KCNN1: variants seen among roughly 807,000 people sequenced by gnomAD.
KCNN1 encodes potassium calcium-activated channel subfamily N member 1.
A neutral mutation model predicts 44.7 loss-of-function variants in KCNN1; 20 were observed. The ratio of observed to expected loss-of-function variants is 0.45; its 90% CI spans 0.32 to 0.65. The LOEUF (loss-of-function observed/expected upper bound fraction) is 0.65, where lower values mean the gene tolerates loss of function less well. Ranked by LOEUF, KCNN1 falls within the 30% of genes least tolerant of loss-of-function variation. The pLI, the probability that KCNN1 is intolerant of heterozygous loss-of-function variation, is 0.05. For missense variants in KCNN1, 632 were observed against 785.3 expected (o/e 0.80, Z 2.33); for synonymous variants, 324 against 341.7 (o/e 0.95, Z 0.57).
In KCNN1 at chr19:17,993,029, C is replaced by T. The variant is rs1459047082; in HGVS notation, c.1299-25C>T. The T allele has an allele frequency of 2.5e-6, 4 of 1,613,150 alleles. No homozygotes were observed. In the African/African-American group the frequency reaches 5.3e-5, roughly 22 times the overall value. On this transcript the variant is annotated intron_variant, in intron 7 of 9. Coordinates refer to ENST00000684775, the MANE Select transcript of KCNN1 (RefSeq NM_001386974.1). This position sits in a 1 kb window ranked among gnomAD's most constrained non-coding sequence, Gnocchi z 4.5. Reference sequence around the variant, plus strand: ...AGGTTAAAATTGCCTTGTGATTTTTCTCCTGCTCTGCCCGGTCCTGCCAGG... The same window carrying T: ...AGGTTAAAATTGCCTTGTGATTTTTTTCCTGCTCTGCCCGGTCCTGCCAGG...
rs1231120269 is a variant in KCNN1 at position 17,993,022 on chromosome 19, G to A, written c.1299-32G>A. The A allele has an allele frequency of 1.2e-6, 2 of 1,613,100 alleles. No homozygotes were observed. Among genetic ancestry groups the A allele is most frequent in the Non-Finnish European group, 1.7e-6 (2 of 1,179,528 alleles). On this transcript the variant is annotated intron_variant, in intron 7 of 9. Transcript: ENST00000684775. This position sits in a 1 kb window ranked among gnomAD's most constrained non-coding sequence, Gnocchi z 4.5. ...TGTGCTGAGGTTAAAATTGCCTTGTGATTTTTCTCCTGCTCTGCCCGGTCC... is the reference window on the plus strand; with the variant it reads ...TGTGCTGAGGTTAAAATTGCCTTGTAATTTTTCTCCTGCTCTGCCCGGTCC...
In KCNN1 at chr19:17,988,440, T is replaced by C; in HGVS notation, c.1085T>C (p.Val362Ala). Residue 362 changes from valine to alanine, a missense_variant, in exon 6 of 10, where the codon GTG (valine) becomes GCG (alanine). Val to Ala is a moderately conservative substitution (Grantham distance 64). Coordinates refer to ENST00000684775, the MANE Select transcript of KCNN1 (RefSeq NM_001386974.1). ...IMGAGCTALV[V>A]AVVARKLELT... ...GGAGCTGGCTGTACCGCGCTCGTGG[T>C]GGCTGTGGTGGCTCGGAAGCTGGAG... The C allele has an allele frequency of 6.2e-7, 1 of 1,612,912 alleles. No homozygotes were observed. The highest frequency in any genetic ancestry group is 8.5e-7 in the Non-Finnish European group (1 of 1,179,738).
At chr19:17,955,045 A>T (rs2031508235) in intron 2 of KCNN1, among the ~76,000 whole-genome samples, 1 of 150,508 alleles carries the variant, frequency 6.6e-6, no homozygotes, top group East Asian at 2.0e-4. Context: ...TTCAAAAAAA[A>T]AAAAAAAAAG....
intron 3 of KCNN1, among the ~76,000 whole-genome samples, chr19:17,978,418 C>A (rs1266465115): frequency 6.8e-6 from 1 of 146,042 alleles, no homozygotes; most frequent in East Asian, 2.1e-4. Context: ...AGCCACTGCC[C>A]AGCCTGTTTT....
intron 9 of KCNN1, among the ~76,000 whole-genome samples, chr19:17,996,166 C>CAAAAAA (rs757072562): frequency 1.3e-4 from 12 of 91,992 alleles, no homozygotes; most frequent in African/African-American, 2.3e-4. Flanking sequence ...TCCATTGCTA[C>CAAAAAA]AAAAAAAAAA....
At position 17,980,597 on chromosome 19, in the gene KCNN1, T is replaced by G. The variant is rs932262220; in HGVS notation, c.499-1112T>G. On this transcript the variant is annotated intron_variant, in intron 3 of 9. Transcript: ENST00000684775. Reference sequence around the variant, plus strand: ...AGAGTTTTGCATACGAGGTCACGTTTCTGACTTCTCTTGGAAAAATTTGAA... The same window carrying G: ...AGAGTTTTGCATACGAGGTCACGTTGCTGACTTCTCTTGGAAAAATTTGAA... 2.6e-5 allele frequency among the ~76,000 whole-genome samples: 4 copies of G among 152,106 alleles called. No individual in the cohort carries two copies. In the East Asian group the frequency reaches 5.8e-4, roughly 22 times the overall value.
chr19:17,967,279 C>T lies in KCNN1; in HGVS notation c.-120C>T, dbSNP rs2031847025. On this transcript the variant is annotated 5_prime_UTR_variant, in exon 1 of 10. Coordinates refer to ENST00000684775, the MANE Select transcript of KCNN1 (RefSeq NM_001386974.1). ...TCCGCGGCCGCGCGGGACCCTCTCC[C>T]CTCCAGCCTTGTCCGCCCGCTCGGG... is the stretch of plus-strand genomic sequence containing the variant. 1.0e-6 allele frequency: 1 copy of T among 985,460 alleles called. No homozygotes were observed. The highest frequency in any genetic ancestry group is 1.2e-6 in the Non-Finnish European group (1 of 829,838). The allele number at this position is 985,460 out of a possible 1,614,324, so 61.0% of individuals were successfully genotyped here. A position where few individuals can be genotyped will look rare whatever the true frequency, so the allele number is the denominator to read the frequency against.
chr19:17,974,260 G>C lies in KCNN1; in HGVS notation c.372G>C (p.Glu124Asp), dbSNP rs1253980797. ...GMFGIVVMVT[E>D]TELSWGVYTK... ...TTGGCATCGTCGTCATGGTGACGGA[G>C]ACCGAGCTGTCCTGGGGGGTGTACA... is the stretch of plus-strand genomic sequence containing the variant. The change falls in exon 2 of 10, where the codon GAG becomes GAC. Residue 124 changes from glutamate to aspartate, a missense_variant. This residue lies in a region of KCNN1 where 235 missense variants were observed against 224.0 expected (regional missense o/e 1.05). Transcript: ENST00000684775. The surrounding 1 kb of genome is among the most constrained non-coding windows in gnomAD (Gnocchi z 7.3). 6.3e-7 allele frequency: 1 copy of C among 1,597,530 alleles called. No homozygotes were observed. Among genetic ancestry groups the C allele is most frequent in the South Asian group, 1.1e-5 (1 of 88,502 alleles).
intron 1 of KCNN1, 94 bp downstream of exon 1, chr19:17,967,411 T>G: frequency 3.1e-5 from 21 of 669,738 alleles, no homozygotes; most frequent in South Asian, 6.7e-5. Context: ...GGGACGCGGT[T>G]TGGGGCAGGG....
Position 17,998,088 on chromosome 19 carries a change from T to A in KCNN1, c.1378-64T>A. The A allele has an allele frequency of 6.8e-7, 1 of 1,470,416 alleles. No individual in the cohort carries two copies. Among genetic ancestry groups the A allele is most frequent in the South Asian group, 1.4e-5 (1 of 73,452 alleles). 91.1% of individuals were successfully genotyped at this position (1,470,416 alleles called of 1,614,324 possible). A position where few individuals can be genotyped will look rare whatever the true frequency, so the allele number is the denominator to read the frequency against. On this transcript the variant is annotated intron_variant, in intron 9 of 9. Coordinates refer to ENST00000684775, the MANE Select transcript of KCNN1 (RefSeq NM_001386974.1). This position sits in a 1 kb window ranked among gnomAD's most constrained non-coding sequence, Gnocchi z 5.4. Reference sequence around the variant, plus strand: ...CTGTCCCTCTCTGTCATTGGTGTCGTGGTATCGTCCTTTCCTCTCTCACTC... The same window carrying A: ...CTGTCCCTCTCTGTCATTGGTGTCGAGGTATCGTCCTTTCCTCTCTCACTC...
chr19:17,977,039 G>A (rs550061146), intron 3 of KCNN1, among the ~76,000 whole-genome samples: 8 of 151,974 alleles, frequency 5.3e-5, no homozygotes, highest in South Asian at 4.2e-4. Context: ...ACAAAAGAAC[G>A]AAACACCAAA....
chr19:17,958,483 T>C (rs1462010600), intron 2 of KCNN1, among the ~76,000 whole-genome samples: 2 of 139,892 alleles, frequency 1.4e-5, no homozygotes, highest in Admixed American at 7.2e-5. Context: ...CCTGTCTCTT[T>C]TTTTTTTTTT....
upstream of KCNN1, among the ~76,000 whole-genome samples, chr19:17,965,735 C>T (rs575443683): frequency 1.4e-4 from 20 of 144,946 alleles, no homozygotes; most frequent in East Asian, 3.9e-3. Context: ...CGTAACAGCC[C>T]CCTGTTACAG....
rs2033129491 is a variant in KCNN1 at position 18,000,001 on chromosome 19, T to TCCCC, written c.*1595_*1596insCCCC. The TCCCC allele has an allele frequency of 4.4e-6, 2 of 455,830 alleles. No homozygotes were observed. Among genetic ancestry groups the TCCCC allele is most frequent in the South Asian group, 3.1e-5 (2 of 64,562 alleles). The allele number at this position is 455,830 out of a possible 1,614,324, so 28.2% of individuals were successfully genotyped here. ...TCATCTGTAAAATGGGGTGACAGTC[T>TCCCC]ATTTAACCAGAACTCCCTAAAAAGG... On this transcript the variant is annotated 3_prime_UTR_variant, in exon 10 of 10. Coordinates refer to ENST00000684775, the MANE Select transcript of KCNN1 (RefSeq NM_001386974.1).
rs2145973369 is a variant in KCNN1, at chr19:17,993,080, G to A, written c.1307+18G>A. On this transcript the variant is annotated intron_variant, in intron 8 of 9. Coordinates refer to ENST00000684775, the MANE Select transcript of KCNN1 (RefSeq NM_001386974.1). The surrounding 1 kb of genome is among the most constrained non-coding windows in gnomAD (Gnocchi z 4.5). ...GCTCAGAAGTAAGTGTTCTCCCAGG[G>A]GCTTGGTGGGGCTGGGAAATCGGGG... 6.2e-7 allele frequency: 1 copy of A among 1,613,716 alleles called. No individual in the cohort carries two copies. The highest frequency in any genetic ancestry group is 2.2e-5 in the East Asian group (1 of 44,884).
intron 1 of KCNN1, among the ~76,000 whole-genome samples, chr19:17,971,397 C>T (rs1185255369): frequency 6.6e-6 from 1 of 152,156 alleles, no homozygotes; most frequent in East Asian, 1.9e-4. Context: ...GGGAAAATCT[C>T]ACAAAGGAGC....
At chr19:17,963,711 T>G (rs552003755), upstream of KCNN1, among the ~76,000 whole-genome samples, 1 of 150,806 alleles carries the variant, frequency 6.6e-6, no homozygotes, top group East Asian at 2.0e-4. Flanking sequence ...GATCTCTTCC[T>G]GATACTTCTG....
chr19:17,958,703 T>A (rs894199259), intron 2 of KCNN1, among the ~76,000 whole-genome samples: 4 of 151,206 alleles, frequency 2.6e-5, no homozygotes, highest in Non-Finnish European at 4.4e-5. Context: ...TATTTATTTA[T>A]TTATTTATTT....
Position 17,993,270 on chromosome 19 carries a change from A to G in KCNN1, c.1307+208A>G, listed in dbSNP as rs976705248. Among the ~76,000 whole-genome samples the G allele has an allele frequency of 1.3e-5, 2 of 152,196 alleles. No homozygotes were observed. The highest frequency in any genetic ancestry group is 3.9e-4 in the East Asian group (2 of 5,172). ...GTTGGGCCGGAGACAGGACCAGCCA[A>G]TGGGTGGTGTGGGCGGTGGCCAGGC... On this transcript the variant is annotated intron_variant, in intron 8 of 9. Coordinates refer to ENST00000684775, the MANE Select transcript of KCNN1 (RefSeq NM_001386974.1). This position sits in a 1 kb window ranked among gnomAD's most constrained non-coding sequence, Gnocchi z 4.5.
Sources: allele counts gnomAD v4.1 joint callset (sites outside exome capture counted in the v4.1 genomes callset), GRCh38; gene constraint gnomAD v4.1.1; regional missense constraint gnomAD v4.1.1; non-coding constraint Gnocchi (gnomAD v3.1); transcripts MANE v1.5; gene names NCBI Gene and HGNC (gene_info 2026-07-23, HGNC 2026-07-21).